Variants in DOK5 observed in about 807,000 individuals in gnomAD.
DOK5 encodes the protein docking protein 5, also known as downstream of tyrosine kinase 5.
A neutral mutation model predicts 43.3 loss-of-function variants in DOK5; 27 were observed. That is an observed-to-expected ratio of 0.62 (90% CI 0.46 to 0.86). The LOEUF is 0.86. Ranked by LOEUF, DOK5 falls within the 40% of genes least tolerant of loss-of-function variation. The probability of loss-of-function intolerance (pLI) is 0.00; values close to 1 mark genes in which losing one functional copy is unlikely to be tolerated. For synonymous variants in DOK5, 146 were observed against 140.1 expected (o/e 1.04, Z -0.30); for missense variants, 373 against 392.9 (o/e 0.95, Z 0.43).
intron 1 of DOK5, among the ~76,000 whole-genome samples, chr20:54,512,202 AT>A (rs1683794114): frequency 6.6e-6 from 1 of 152,194 alleles, no homozygotes; most frequent in Non-Finnish European, 1.5e-5. Context: ...TTCTTTTCCT[AT>A]TTCCTGAAAG....
Position 54,588,382 on chromosome 20 carries a change from G to C in DOK5, c.175-101G>C. Reference sequence around the variant, plus strand: ...ATACTTTTTCAACAGGTTGTGCTCAGCTGTGCTGTGCCATACTGATTTCCG... The same window carrying C: ...ATACTTTTTCAACAGGTTGTGCTCACCTGTGCTGTGCCATACTGATTTCCG... On this transcript the variant is annotated intron_variant, in intron 2 of 7. Transcript: ENST00000262593. 3 of 896,048 alleles carry C rather than the reference G, an allele frequency of 3.3e-6. No individual in the cohort carries two copies. In the South Asian group the frequency reaches 4.3e-5, roughly 13 times the overall value. The allele number at this position is 896,048 out of a possible 1,614,324, so 55.5% of individuals were successfully genotyped here.
chr20:54,536,272 G>A (rs948099697), intron 1 of DOK5, among the ~76,000 whole-genome samples: 2 of 152,158 alleles, frequency 1.3e-5, no homozygotes, highest in African/African-American at 4.8e-5. Context: ...TAGACTGTGA[G>A]TGCATCAGTG....
At chr20:54,613,553 G>T (rs6091933) in intron 6 of DOK5, among the ~76,000 whole-genome samples, 1 of 152,204 alleles carries the variant, frequency 6.6e-6, no homozygotes, top group East Asian at 1.9e-4. Flanking sequence ...TTAACTAGGT[G>T]GATGTAGAAA....
intron 6 of DOK5, among the ~76,000 whole-genome samples, chr20:54,642,518 A>G (rs2146829535): frequency 6.8e-6 from 1 of 147,848 alleles, no homozygotes; most frequent in East Asian, 2.0e-4. Flanking sequence ...AGCCTGGCCA[A>G]CATGGAGAAA....
intron 5 of DOK5, among the ~76,000 whole-genome samples, chr20:54,592,964 GCAGA>G (rs139324210): frequency 0.03 from 4,501 of 152,170 alleles, 210 homozygotes; most frequent in African/African-American, 0.1. Flanking sequence ...GCTTGTAAAA[GCAGA>G]CAGTTATTCC....
At chr20:54,545,214 T>C (rs898559310) in intron 1 of DOK5, among the ~76,000 whole-genome samples, 3 of 152,224 alleles carry the variant, frequency 2.0e-5, no homozygotes, top group African/African-American at 4.8e-5. Context: ...TTCACTCTTA[T>C]ATTGCAGAAG....
At chr20:54,618,234 G>A (rs1344545089) in intron 6 of DOK5, among the ~76,000 whole-genome samples, 1 of 152,114 alleles carries the variant, frequency 6.6e-6, no homozygotes, top group African/African-American at 2.4e-5. Flanking sequence ...AATGCAGGGT[G>A]GTTTTATCTG....
chr20:54,537,113 C>CG (rs1983986454), intron 1 of DOK5, among the ~76,000 whole-genome samples: 1 of 152,128 alleles, frequency 6.6e-6, no homozygotes, highest in Non-Finnish European at 1.5e-5. Context: ...AGCAATAATG[C>CG]GGGGGCCTGT....
chr20:54,546,789 G>A (rs964936780), intron 1 of DOK5, among the ~76,000 whole-genome samples: 1 of 152,216 alleles, frequency 6.6e-6, no homozygotes, highest in African/African-American at 2.4e-5. Context: ...AGATGGGGAT[G>A]CTAATGGATC....
At chr20:54,642,562 A>AG (rs1555839395) in intron 6 of DOK5, among the ~76,000 whole-genome samples, 2,814 of 149,346 alleles carry the variant, frequency 0.019, 112 homozygotes, top group African/African-American at 0.067. Flanking sequence ...AAAAAAAAAA[A>AG]AAAAAAGAAA....
Position 54,579,095 on chromosome 20 carries a change from T to C in DOK5, c.175-9388T>C, listed in dbSNP as rs1309463409. On this transcript the variant is annotated intron_variant, in intron 2 of 7. Transcript: ENST00000262593. Reference sequence around the variant, plus strand: ...GATTAACAGTATCTTTCCTGACTTTTAGGCATTTGTCATTTATTTATTATT... The same window carrying C: ...GATTAACAGTATCTTTCCTGACTTTCAGGCATTTGTCATTTATTTATTATT... 2.6e-5 allele frequency among the ~76,000 whole-genome samples: 4 copies of C among 152,234 alleles called. No homozygotes were observed. The East Asian group carries it at 5.8e-4, about 22-fold the overall frequency.
At chr20:54,494,914 A>T (rs1479758583) in intron 1 of DOK5, 2 of 151,446 alleles carry the variant, frequency 1.3e-5, no homozygotes, top group African/African-American at 4.9e-5. Context: ...CAAATCTGCA[A>T]CTCTAGACCA....
At position 54,591,543 on chromosome 20, in the gene DOK5, C is replaced by T; in HGVS notation, c.410-73C>T. ...TGTGAACTTGAATTGTTTTTAAATGCCTCTATGTTCCTACAATGTCTTTGA... is the reference window on the plus strand; with the variant it reads ...TGTGAACTTGAATTGTTTTTAAATGTCTCTATGTTCCTACAATGTCTTTGA... On this transcript the variant is annotated intron_variant, in intron 4 of 7. Transcript: ENST00000262593. The T allele has an allele frequency of 6.9e-6, 8 of 1,163,572 alleles. No individual in the cohort carries two copies. The South Asian group carries it at 7.2e-5, about 10-fold the overall frequency. 72.1% of individuals were successfully genotyped at this position (1,163,572 alleles called of 1,614,324 possible).
rs149459588 is a variant in DOK5 at position 54,482,885 on chromosome 20, G to A, written c.66+6873G>A. On this transcript the variant is annotated intron_variant, in intron 1 of 7. Transcript: ENST00000262593. Reference sequence around the variant, plus strand: ...CATGCAACTATTCAGTAAGATATGTGAAGTTTAGTTACTCTTTAAGAACAA... The same window carrying A: ...CATGCAACTATTCAGTAAGATATGTAAAGTTTAGTTACTCTTTAAGAACAA... Among the ~76,000 whole-genome samples the A allele has an allele frequency of 4.6e-3, 697 of 152,300 alleles. 4 individuals carry two copies. Among genetic ancestry groups the A allele is most frequent in the African/African-American group, 0.016 (677 of 41,570 alleles).
chr20:54,559,986 G>A (rs1240125837), intron 2 of DOK5, among the ~76,000 whole-genome samples: 2 of 152,140 alleles, frequency 1.3e-5, no homozygotes, highest in African/African-American at 4.8e-5. Flanking sequence ...ACCCTTTATA[G>A]TGACTAGGTC....
chr20:54,609,189 G>T (rs529706348), intron 5 of DOK5, among the ~76,000 whole-genome samples: 1 of 152,248 alleles, frequency 6.6e-6, no homozygotes, highest in East Asian at 1.9e-4. Flanking sequence ...AATAACAGTG[G>T]TTTAGGCTGA....
rs545357915 is a variant in DOK5 at position 54,500,557 on chromosome 20, A to ATTT, written c.66+24564_66+24566dup. Among the ~76,000 whole-genome samples the ATTT allele has an allele frequency of 4.0e-4, 46 of 115,432 alleles. 1 individual carries two copies. Among genetic ancestry groups the ATTT allele is most frequent in the African/African-American group, 8.1e-4 (24 of 29,720 alleles). The allele number at this position is 115,432 out of a possible 152,430, so 75.7% of individuals were successfully genotyped here. ...ATATTTACAATGTCATACCCAGTGTATTTTTTTTTTTTTTTTTTTTTGAGA... is the reference window on the plus strand; with the variant it reads ...ATATTTACAATGTCATACCCAGTGTATTTTTTTTTTTTTTTTTTTTTTTTGAGA... On this transcript the variant is annotated intron_variant, in intron 1 of 7. Transcript: ENST00000262593.
chr20:54,542,792 T>C (rs1984211154), intron 1 of DOK5, among the ~76,000 whole-genome samples: 1 of 152,264 alleles, frequency 6.6e-6, no homozygotes, highest in Admixed American at 6.5e-5. Context: ...TGATTTTTAT[T>C]GATTTTTGCC....
At chr20:54,498,721 A>G (rs972690923) in intron 1 of DOK5, among the ~76,000 whole-genome samples, 2 of 152,230 alleles carry the variant, frequency 1.3e-5, no homozygotes, top group Non-Finnish European at 2.9e-5. Context: ...TGTTTAGGAC[A>G]ATAATAGAAA....
Sources: gnomAD v4.1 joint callset for allele counts (sites outside exome capture counted in the v4.1 genomes callset) on GRCh38, gnomAD v4.1.1 for gene constraint, MANE v1.5 for transcripts, NCBI Gene and HGNC (gene_info 2026-07-23, HGNC 2026-07-21) for gene names.